Variants in NME7 observed in about 807,000 individuals in gnomAD.
NME7 encodes the protein nucleoside diphosphate kinase 7.
A neutral mutation model predicts 49.1 loss-of-function variants in NME7; 41 were observed. The observed-to-expected ratio is 0.83, with a 90% CI of 0.65 to 1.08. The LOEUF (loss-of-function observed/expected upper bound fraction) is 1.08. Among genes scored for constraint, NME7 ranks in the 50% least tolerant of loss-of-function variants. NME7 has a pLI of 0.00. For synonymous variants in NME7, 139 were observed against 150.6 expected (o/e 0.92, Z 0.56); for missense variants, 423 against 463.4 (o/e 0.91, Z 0.80).
intron 11 of NME7, among the ~76,000 whole-genome samples, chr1:169,166,662 C>T (rs1346611628): frequency 6.6e-6 from 1 of 152,142 alleles, no homozygotes; most frequent in Non-Finnish European, 1.5e-5. Context: ...GTAAAGACCT[C>T]GGTAAAAAGT....
At chr1:169,349,988 C>T (rs1364473566) in intron 1 of NME7, among the ~76,000 whole-genome samples, 3 of 151,784 alleles carry the variant, frequency 2.0e-5, no homozygotes, top group South Asian at 2.1e-4. Flanking sequence ...GACAGGAGTT[C>T]GAGACCAGCC....
At chr1:169,233,286 C>T (rs545813582) in intron 9 of NME7, among the ~76,000 whole-genome samples, 3 of 152,120 alleles carry the variant, frequency 2.0e-5, no homozygotes, top group African/African-American at 7.2e-5. Context: ...AGAAAAATGC[C>T]TCTCATAGTG....
intron 1 of NME7, among the ~76,000 whole-genome samples, chr1:169,327,258 C>T (rs1517749): frequency 0.35 from 53,136 of 151,818 alleles, 10,358 homozygotes; most frequent in Non-Finnish European, 0.44. Flanking sequence ...TCCTTCTTCC[C>T]TGAAGATTCC....
At chr1:169,245,055 G>C (rs10919110) in intron 7 of NME7, among the ~76,000 whole-genome samples, 9,452 of 152,272 alleles carry the variant, frequency 0.062, 387 homozygotes, top group East Asian at 0.12. Flanking sequence ...CTTGAACCCA[G>C]GAGGCAGAGC....
chr1:169,179,107 C>T (rs966734726), intron 10 of NME7, among the ~76,000 whole-genome samples: 1 of 152,148 alleles, frequency 6.6e-6, no homozygotes, highest in Non-Finnish European at 1.5e-5. Context: ...AGGCATGAGC[C>T]ACCGCACCTG....
intron 3 of NME7, among the ~76,000 whole-genome samples, chr1:169,315,273 CT>C (rs201804740): frequency 7.4e-5 from 10 of 135,814 alleles, no homozygotes; most frequent in Non-Finnish European, 1.6e-4. Flanking sequence ...TTTTTTTTTT[CT>C]TTTTTTTTGA....
chr1:169,153,134 C>T (rs1481410736), intron 11 of NME7, among the ~76,000 whole-genome samples: 1 of 152,070 alleles, frequency 6.6e-6, no homozygotes, highest in African/African-American at 2.4e-5. Context: ...TGGGGTGATC[C>T]TGGCCAAGTC....
At chr1:169,325,954 A>G (rs112747423) in intron 1 of NME7, among the ~76,000 whole-genome samples, 46 of 152,168 alleles carry the variant, frequency 3.0e-4, no homozygotes, top group African/African-American at 1.1e-3. Flanking sequence ...TTTTGAGTTT[A>G]GGTTTCACTG....
At chr1:169,180,336 C>A (rs1481678516) in intron 10 of NME7, among the ~76,000 whole-genome samples, 1 of 152,294 alleles carries the variant, frequency 6.6e-6, no homozygotes, top group Middle Eastern at 3.4e-3. Context: ...TGTACTATTT[C>A]ACAGGAATCC....
chr1:169,366,396 A>G (rs1281886763), intron 1 of NME7, among the ~76,000 whole-genome samples: 1 of 152,256 alleles, frequency 6.6e-6, no homozygotes, highest in Admixed American at 6.5e-5. Flanking sequence ...TATCCTTTCA[A>G]GAAGTTTACT....
intron 10 of NME7, among the ~76,000 whole-genome samples, chr1:169,208,177 A>T (rs537440353): frequency 6.6e-6 from 1 of 152,266 alleles, no homozygotes; most frequent in East Asian, 1.9e-4. Context: ...TCCATTTAAT[A>T]TATGTCTATT....
At chr1:169,213,716 T>C (rs1198065995) in intron 10 of NME7, among the ~76,000 whole-genome samples, 1 of 152,138 alleles carries the variant, frequency 6.6e-6, no homozygotes, top group African/African-American at 2.4e-5. Context: ...CCAAAGAGAT[T>C]TGGGTCAGTG....
chr1:169,363,334 C>G (rs34373126), intron 1 of NME7, among the ~76,000 whole-genome samples: 11,342 of 152,120 alleles, frequency 0.075, 1,541 homozygotes, highest in East Asian at 0.67. Context: ...TGGATCAGGA[C>G]TCACAGTAAG....
At chr1:169,304,544 A>G (rs1474073926) in intron 4 of NME7, among the ~76,000 whole-genome samples, 1 of 152,238 alleles carries the variant, frequency 6.6e-6, no homozygotes, top group Non-Finnish European at 1.5e-5. Context: ...AATATAGAGA[A>G]TAAAATTCAT....
At chr1:169,238,729 G>T (rs542597910) in intron 7 of NME7, among the ~76,000 whole-genome samples, 109 of 152,096 alleles carry the variant, frequency 7.2e-4, no homozygotes, top group African/African-American at 2.4e-3. Flanking sequence ...ATAGCATGCT[G>T]TAGAAACAAA....
At chr1:169,343,028 T>C (rs913458743) in intron 1 of NME7, among the ~76,000 whole-genome samples, 5 of 144,074 alleles carry the variant, frequency 3.5e-5, no homozygotes, top group African/African-American at 5.1e-5. Flanking sequence ...TATATATATA[T>C]ACATACCTGT....
chr1:169,312,660 T>G (rs1245577191), intron 3 of NME7, among the ~76,000 whole-genome samples: 12 of 152,322 alleles, frequency 7.9e-5, no homozygotes, highest in African/African-American at 1.9e-4. Flanking sequence ...TGTCTTCATA[T>G]ACCATCAGGT....
chr1:169,335,274 C>G (rs532232071), intron 1 of NME7, among the ~76,000 whole-genome samples: 2 of 152,104 alleles, frequency 1.3e-5, no homozygotes, highest in Non-Finnish European at 2.9e-5. Flanking sequence ...TTTTCTGCAG[C>G]ACTATTTACA....
intron 10 of NME7, among the ~76,000 whole-genome samples, chr1:169,193,365 T>C (rs909930): frequency 0.37 from 56,359 of 151,906 alleles, 11,032 homozygotes; most frequent in East Asian, 0.73. Flanking sequence ...GCCTTAGTAA[T>C]TACATCCTGA....
Sources: gnomAD v4.1 joint callset for allele counts (sites outside exome capture counted in the v4.1 genomes callset) on GRCh38, gnomAD v4.1.1 for gene constraint, MANE v1.5 for transcripts, NCBI Gene and HGNC (gene_info 2026-07-23, HGNC 2026-07-21) for gene names.